The following CSTPP1 variants were observed in gnomAD, a reference collection of about 807,000 sequenced individuals.
CSTPP1 encodes UPF0705 protein C11orf49.
At chr11:47,002,322 T>TATGC in the CSTPP1 span, among the ~76,000 whole-genome samples, 1 of 152,076 alleles carries the variant, frequency 6.6e-6, no homozygotes, top group African/African-American at 2.4e-5. Context: ...TTACTAGAGG[T>TATGC]ATGCTATAGC....
the CSTPP1 span, among the ~76,000 whole-genome samples, chr11:47,042,540 G>A: frequency 6.6e-6 from 1 of 151,632 alleles, no homozygotes; most frequent in Non-Finnish European, 1.5e-5. Context: ...GAGTAATCCA[G>A]GTAAAGGATA....
the CSTPP1 span, among the ~76,000 whole-genome samples, chr11:47,024,253 G>A: frequency 6.6e-6 from 1 of 151,552 alleles, no homozygotes; most frequent in African/African-American, 2.4e-5. Context: ...TCATAGAGAC[G>A]GGACCTCACC....
At chr11:47,052,313 G>A in the CSTPP1 span, 2 of 1,526,618 alleles carry the variant, frequency 1.3e-6, no homozygotes, top group South Asian at 2.6e-5. Flanking sequence ...GGTTCTCTCT[G>A]GTCTCAATTT....
chr11:47,046,667 T>C, the CSTPP1 span, among the ~76,000 whole-genome samples: 11 of 122,348 alleles, frequency 9.0e-5, no homozygotes, highest in South Asian at 2.9e-4. Context: ...TTTCTTTTTT[T>C]TTTTTTTTTT....
chr11:46,975,362 A>AT, the CSTPP1 span, among the ~76,000 whole-genome samples: 1 of 152,206 alleles, frequency 6.6e-6, no homozygotes, highest in Non-Finnish European at 1.5e-5. Context: ...TTCTGGAGAC[A>AT]TTTTTTAAGC....
At chr11:47,001,059 G>C in the CSTPP1 span, among the ~76,000 whole-genome samples, 3 of 152,178 alleles carry the variant, frequency 2.0e-5, no homozygotes, top group Non-Finnish European at 4.4e-5. Context: ...AAGAGATGAC[G>C]ATTGAGAGCT....
At chr11:47,116,009 C>T in the CSTPP1 span, among the ~76,000 whole-genome samples, 4 of 152,106 alleles carry the variant, frequency 2.6e-5, no homozygotes, top group Non-Finnish European at 5.9e-5. Context: ...GATTCTGGTA[C>T]GTTGTGTCTT....
chr11:47,160,563 G>C, the CSTPP1 span: 1 of 154,488 alleles, frequency 6.5e-6, no homozygotes, highest in Admixed American at 6.4e-5. Context: ...GGGCAAGAGG[G>C]GCCAGGAGGC....
At chr11:46,947,696 A>G in the CSTPP1 span, among the ~76,000 whole-genome samples, 1 of 152,188 alleles carries the variant, frequency 6.6e-6, no homozygotes, top group East Asian at 1.9e-4. Context: ...CAGCTGTCCT[A>G]TTGTGTAACT....
At chr11:47,122,082 AAAAAAAAAAAT>A in the CSTPP1 span, among the ~76,000 whole-genome samples, 8 of 105,026 alleles carry the variant, frequency 7.6e-5, no homozygotes, top group African/African-American at 2.5e-4. Context: ...AAAAAAAAAA[AAAAAAAAAAAT>A]ATATATATAT....
At chr11:47,112,495 T>A in the CSTPP1 span, among the ~76,000 whole-genome samples, 2 of 152,170 alleles carry the variant, frequency 1.3e-5, no homozygotes, top group African/African-American at 4.8e-5. Context: ...CTAATTTTTG[T>A]ATTTTTTGTA....
chr11:46,984,767 G>A, the CSTPP1 span, among the ~76,000 whole-genome samples: 2 of 151,460 alleles, frequency 1.3e-5, no homozygotes, highest in East Asian at 3.9e-4. Flanking sequence ...AAAATCCTGT[G>A]CTAGCCTTAG....
At chr11:46,992,304 A>T in the CSTPP1 span, among the ~76,000 whole-genome samples, 1,335 of 151,852 alleles carry the variant, frequency 8.8e-3, 9 homozygotes, top group Non-Finnish European at 0.013. Flanking sequence ...TTTGTTACAT[A>T]TGTATACATG....
the CSTPP1 span, among the ~76,000 whole-genome samples, chr11:47,018,415 C>A: frequency 4.0e-5 from 6 of 151,724 alleles, no homozygotes; most frequent in Admixed American, 1.3e-4. Flanking sequence ...CTGCATCAGC[C>A]TCCTGAGTAC....
the CSTPP1 span, chr11:47,164,170 G>A: frequency 1.9e-6 from 3 of 1,613,888 alleles, no homozygotes; most frequent in African/African-American, 1.3e-5. Flanking sequence ...TTTCAGAGAA[G>A]AGAGAAGCAG....
chr11:47,129,015 T>A, the CSTPP1 span, among the ~76,000 whole-genome samples: 1 of 152,232 alleles, frequency 6.6e-6, no homozygotes, highest in Non-Finnish European at 1.5e-5. Context: ...TTCTCTTGCC[T>A]TTAGTCACCA....
the CSTPP1 span, among the ~76,000 whole-genome samples, chr11:47,119,007 C>T: frequency 3.3e-5 from 5 of 152,234 alleles, no homozygotes; most frequent in East Asian, 1.9e-4. Flanking sequence ...CAGACAGGGA[C>T]GTTTAAGTCT....
chr11:47,066,275 A>G, the CSTPP1 span, among the ~76,000 whole-genome samples: 1 of 151,718 alleles, frequency 6.6e-6, no homozygotes, highest in Non-Finnish European at 1.5e-5. Context: ...TATAACATTG[A>G]TGAGGAAAAA....
chr11:47,046,752 C>T, the CSTPP1 span, among the ~76,000 whole-genome samples: 2 of 147,800 alleles, frequency 1.4e-5, no homozygotes, highest in African/African-American at 5.0e-5. Context: ...CTGCAACCTC[C>T]ACCTCCCAGG....
Sources: gnomAD v4.1 joint callset for allele counts (sites outside exome capture counted in the v4.1 genomes callset) on GRCh38, gnomAD v4.1.1 for gene constraint, MANE v1.5 for transcripts, NCBI Gene and HGNC (gene_info 2026-07-23, HGNC 2026-07-21) for gene names.